The following SHISA6 variants were observed in gnomAD, a reference collection of about 807,000 sequenced individuals.
SHISA6 encodes the protein shisa family member 6, also known as protein shisa-6.
In SHISA6, 22 loss-of-function variants were observed where a neutral mutation model predicts 47.9. The observed-to-expected ratio is 0.46, with a 90% confidence interval of 0.33 to 0.66. The LOEUF is 0.66. SHISA6 is among the 30% of genes least tolerant of loss of function. The pLI, the probability that SHISA6 is intolerant of heterozygous loss-of-function variation, is 0.02. For missense variants in SHISA6, 680 were observed against 764.6 expected (o/e 0.89, Z 1.30); for synonymous variants, 388 against 337.8 (o/e 1.15, Z -1.63).
chr17:11,288,784 C>T (rs1040682054), intron 2 of SHISA6: 11 of 152,126 alleles, frequency 7.2e-5, no homozygotes, highest in Admixed American at 3.3e-4. Context: ...CATCTGATAA[C>T]GAGGATGATC....
intron 3 of SHISA6, among the ~76,000 whole-genome samples, chr17:11,463,660 C>T (rs562256520): frequency 6.6e-6 from 1 of 152,278 alleles, no homozygotes; most frequent in African/African-American, 2.4e-5. Context: ...GACAATACAT[C>T]ATGGAGAATG....
chr17:11,507,343 C>T (rs1020583204), intron 3 of SHISA6, among the ~76,000 whole-genome samples: 2 of 152,100 alleles, frequency 1.3e-5, no homozygotes, highest in Admixed American at 6.5e-5. Context: ...TTCTTGGCCC[C>T]GATGATGTAT....
chr17:11,520,419 T>A (rs535288775), intron 3 of SHISA6, among the ~76,000 whole-genome samples: 5 of 152,264 alleles, frequency 3.3e-5, no homozygotes, highest in African/African-American at 1.2e-4. Flanking sequence ...TTTCTGCACA[T>A]CCACTCTGTA....
At chr17:11,277,280 T>TCACACACACACACACACA (rs113287260) in intron 2 of SHISA6, among the ~76,000 whole-genome samples, 1 of 53,930 alleles carries the variant, frequency 1.9e-5, no homozygotes. Context: ...TCTCTCTCTC[T>TCACACACACACACACACA]CACACACACA....
At chr17:11,437,412 C>T (rs1914970688) in intron 3 of SHISA6, among the ~76,000 whole-genome samples, 2 of 152,176 alleles carry the variant, frequency 1.3e-5, no homozygotes, top group African/African-American at 4.8e-5. Context: ...AGGGAACTGT[C>T]CCCTCATAAC....
At chr17:11,474,450 T>C (rs1467008298) in intron 3 of SHISA6, among the ~76,000 whole-genome samples, 2 of 151,842 alleles carry the variant, frequency 1.3e-5, no homozygotes, top group Non-Finnish European at 2.9e-5. Context: ...TCCTTGTAGA[T>C]TCTGGATAGT....
At chr17:11,507,943 G>T (rs2071513594) in intron 3 of SHISA6, among the ~76,000 whole-genome samples, 1 of 152,180 alleles carries the variant, frequency 6.6e-6, no homozygotes, top group Non-Finnish European at 1.5e-5. Context: ...CAGGAGACAT[G>T]AGGTCAAAGG....
At chr17:11,362,321 G>A (rs1370275196) in intron 2 of SHISA6, among the ~76,000 whole-genome samples, 1 of 152,010 alleles carries the variant, frequency 6.6e-6, no homozygotes, top group African/African-American at 2.4e-5. Context: ...TTTAAGTTTT[G>A]TAGAGACAGG....
chr17:11,449,999 G>A (rs28477462), intron 3 of SHISA6, among the ~76,000 whole-genome samples: 30 of 151,952 alleles, frequency 2.0e-4, no homozygotes, highest in Admixed American at 2.0e-4. Context: ...ATTCTCCTGC[G>A]TCAGCCTCCC....
chr17:11,290,467 C>T (rs1479656679), intron 2 of SHISA6: 1 of 151,582 alleles, frequency 6.6e-6, no homozygotes, highest in African/African-American at 2.4e-5. Flanking sequence ...TCTCCTGCCT[C>T]AGCCTCCCAA....
At chr17:11,547,112 G>A (rs1185269444) in intron 3 of SHISA6, among the ~76,000 whole-genome samples, 1 of 152,166 alleles carries the variant, frequency 6.6e-6, no homozygotes, top group East Asian at 1.9e-4. Context: ...AGTAGTGGAA[G>A]ACCTTAACAC....
At chr17:11,436,194 G>A (rs1267235171) in intron 3 of SHISA6, among the ~76,000 whole-genome samples, 1 of 152,188 alleles carries the variant, frequency 6.6e-6, no homozygotes, top group African/African-American at 2.4e-5. Flanking sequence ...CTTTCAAAGA[G>A]AAGGTCATGT....
intron 1 of SHISA6, among the ~76,000 whole-genome samples, chr17:11,250,919 G>C (rs893806269): frequency 1.3e-5 from 2 of 152,014 alleles, no homozygotes; most frequent in Non-Finnish European, 2.9e-5. Context: ...TAAGAGTGCC[G>C]GGTCTCGAGG....
chr17:11,469,201 A>G (rs548178035), intron 3 of SHISA6, among the ~76,000 whole-genome samples: 1 of 152,044 alleles, frequency 6.6e-6, no homozygotes, highest in Non-Finnish European at 1.5e-5. Context: ...CTGGCAAAAG[A>G]GATATAATAT....
chr17:11,563,294 C>G lies in SHISA6; in HGVS notation c.*4990C>G, dbSNP rs1014026090. The stretch of plus-strand genomic sequence containing the variant: ...CAAGTCTGGACACTGAGGCTCCATT[C>G]CAACTGGAGGAGGAGGCATCTCCAT... On this transcript the variant is annotated 3_prime_UTR_variant, in exon 6 of 6. Coordinates refer to ENST00000441885, the MANE Select transcript of SHISA6 (RefSeq NM_207386.4). 1 of 152,228 alleles carries G rather than the reference C, an allele frequency of 6.6e-6. No individual in the cohort carries two copies. Among genetic ancestry groups the G allele is most frequent in the Non-Finnish European group, 1.5e-5 (1 of 68,070 alleles). 9.4% of individuals were successfully genotyped at this position (152,228 alleles called of 1,614,324 possible).
chr17:11,388,506 G>T (rs1378815509), intron 3 of SHISA6, among the ~76,000 whole-genome samples: 1 of 151,932 alleles, frequency 6.6e-6, no homozygotes, highest in Non-Finnish European at 1.5e-5. Flanking sequence ...CTTCATGTCT[G>T]CTCACTCCTG....
intron 2 of SHISA6, among the ~76,000 whole-genome samples, chr17:11,362,248 TC>T (rs1912313761): frequency 6.6e-6 from 1 of 152,050 alleles, no homozygotes; most frequent in African/African-American, 2.4e-5. Flanking sequence ...CAAGCAATCC[TC>T]CTGCCCAAGC....
chr17:11,435,068 T>C (rs1914898264), intron 3 of SHISA6, among the ~76,000 whole-genome samples: 1 of 152,110 alleles, frequency 6.6e-6, no homozygotes, highest in Non-Finnish European at 1.5e-5. Flanking sequence ...AATAATGGGA[T>C]TAGTGTCTTA....
intron 2 of SHISA6, among the ~76,000 whole-genome samples, chr17:11,341,658 G>A (rs1198127382): frequency 1.3e-5 from 2 of 152,180 alleles, no homozygotes; most frequent in Middle Eastern, 3.4e-3. Context: ...CTAAGTGAGA[G>A]AAGAGAGGCT....
Sources: gnomAD v4.1 joint callset for allele counts (sites outside exome capture counted in the v4.1 genomes callset) on GRCh38, gnomAD v4.1.1 for gene constraint, MANE v1.5 for transcripts, NCBI Gene and HGNC (gene_info 2026-07-23, HGNC 2026-07-21) for gene names.